MAML3: variants seen among roughly 807,000 people sequenced by gnomAD.
MAML3 encodes mastermind like transcriptional coactivator 3.
In MAML3, 27 loss-of-function variants were observed where a neutral mutation model predicts 101.9. The observed-to-expected ratio is 0.27, with a 90% CI of 0.20 to 0.37. The LOEUF (loss-of-function observed/expected upper bound fraction) is 0.37, where lower values mean the gene tolerates loss of function less well. Ranked by LOEUF, MAML3 falls within the 10% of genes least tolerant of loss-of-function variation. The pLI is 1.00. For synonymous variants in MAML3, 501 were observed against 555.9 expected (o/e 0.90, Z 1.39); for missense variants, 1,316 against 1,444.9 (o/e 0.91, Z 1.45).
intron 1 of MAML3, among the ~76,000 whole-genome samples, chr4:139,897,640 C>T (rs912550731): frequency 6.6e-6 from 1 of 152,192 alleles, no homozygotes; most frequent in African/African-American, 2.4e-5. Context: ...TCTGTAGCAG[C>T]TCCTGACCAG....
intron 1 of MAML3, among the ~76,000 whole-genome samples, chr4:139,935,186 A>C (rs1420570081): frequency 6.7e-6 from 1 of 149,902 alleles, no homozygotes; most frequent in Non-Finnish European, 1.5e-5. Context: ...AGGCAGATGC[A>C]GTTACATGGC....
intron 1 of MAML3, among the ~76,000 whole-genome samples, chr4:139,986,086 A>C (rs1734533256): frequency 6.6e-6 from 1 of 152,254 alleles, no homozygotes; most frequent in African/African-American, 2.4e-5. Context: ...GATAAGCAGA[A>C]GAGCAGACCA....
Position 139,719,232 on chromosome 4 carries a change from AAAC to A in MAML3, c.*88_*90del, listed in dbSNP as rs1324061673. The A allele has an allele frequency of 1.4e-6, 2 of 1,452,932 alleles. No individual in the cohort carries two copies. The highest frequency in any genetic ancestry group is 2.7e-5 in the Admixed American group (1 of 36,572). The allele number at this position is 1,452,932 out of a possible 1,614,324, so 90.0% of individuals were successfully genotyped here. On this transcript the variant is annotated 3_prime_UTR_variant, in exon 5 of 5. Transcript: ENST00000509479. ...TTTGCTCAGTTTACGTGGGTCAAAAAAACAAAAAACAAGGATGGGTCAACATCC... is the reference window on the plus strand; with the variant it reads ...TTTGCTCAGTTTACGTGGGTCAAAAAAAAAAACAAGGATGGGTCAACATCC...
chr4:140,011,607 G>C (rs920433348), intron 1 of MAML3, among the ~76,000 whole-genome samples: 2 of 151,126 alleles, frequency 1.3e-5, no homozygotes, highest in African/African-American at 4.9e-5. Context: ...GCCTCCCAAA[G>C]TGCTGGGATT....
intron 2 of MAML3, among the ~76,000 whole-genome samples, chr4:139,868,743 T>G (rs1420945137): frequency 6.6e-6 from 1 of 152,202 alleles, no homozygotes; most frequent in Non-Finnish European, 1.5e-5. Flanking sequence ...TGTGGCATTT[T>G]GTCTTTATAA....
intron 2 of MAML3, among the ~76,000 whole-genome samples, chr4:139,834,696 A>G (rs537031213): frequency 1.3e-4 from 20 of 152,350 alleles, no homozygotes; most frequent in Admixed American, 7.8e-4. Context: ...AGGTTGGAAT[A>G]TAGCACAGTT....
intron 1 of MAML3, among the ~76,000 whole-genome samples, chr4:140,056,677 G>A (rs1404236560): frequency 6.6e-6 from 1 of 151,880 alleles, no homozygotes; most frequent in Non-Finnish European, 1.5e-5. Context: ...AGGGGTGGTG[G>A]TGGGCGCCTG....
chr4:139,971,327 A>G (rs953729143), intron 1 of MAML3, among the ~76,000 whole-genome samples: 2 of 152,056 alleles, frequency 1.3e-5, no homozygotes, highest in Non-Finnish European at 2.9e-5. Context: ...TGTCCAAAGG[A>G]CTCTCTTTAT....
chr4:139,783,327 G>A (rs577013110), intron 2 of MAML3, among the ~76,000 whole-genome samples: 2 of 152,270 alleles, frequency 1.3e-5, no homozygotes, highest in East Asian at 1.9e-4. Context: ...TCCTGCTCCT[G>A]GAGTCAGGTC....
At position 139,719,418 on chromosome 4, in the gene MAML3, G is replaced by A; in HGVS notation, c.3322C>T (p.Leu1108Phe). 6.2e-7 allele frequency: 1 copy of A among 1,614,044 alleles called. No homozygotes were observed. Among genetic ancestry groups the A allele is most frequent in the Non-Finnish European group, 8.5e-7 (1 of 1,179,908 alleles). Residue 1108 changes from leucine (L) to phenylalanine (F), a missense_variant, in exon 5 of 5, where the codon CTC becomes TTC. By Grantham distance (22) the Leu-to-Phe change is conservative. Coordinates refer to ENST00000509479, the MANE Select transcript of MAML3 (RefSeq NM_018717.5). Reference sequence around the variant, plus strand: ...TCCACAAGGTCTGCACCGTCCGGGAGGCCAGGGAAGGAACCCCCAGCTCCG... The same window carrying A: ...TCCACAAGGTCTGCACCGTCCGGGAAGCCAGGGAAGGAACCCCCAGCTCCG... The part of the protein sequence containing the change: ...GDGAGGSFPG[L>F]PDGADLVDSI...
At chr4:139,880,189 AAAC>A (rs955981838) in intron 2 of MAML3, among the ~76,000 whole-genome samples, 2 of 137,870 alleles carry the variant, frequency 1.5e-5, no homozygotes, top group Non-Finnish European at 3.2e-5. Flanking sequence ...GAAAAAAAAA[AAAC>A]AAACAAAAAA....
Position 139,896,780 on chromosome 4 carries a change from A to G in MAML3, c.469-5813T>C, listed in dbSNP as rs895647116. ...AGCTGTGCCTTTGGAATTACAAAGA[A>G]CTTTCACACAGAATCATATTTTATC... On this transcript the variant is annotated intron_variant, in intron 1 of 4. Coordinates refer to ENST00000509479, the MANE Select transcript of MAML3 (RefSeq NM_018717.5). 7.9e-5 allele frequency among the ~76,000 whole-genome samples: 12 copies of G among 152,160 alleles called. No individual in the cohort carries two copies. In the South Asian group the frequency reaches 8.3e-4, roughly 11 times the overall value.
At chr4:139,950,318 GC>G in intron 1 of MAML3, among the ~76,000 whole-genome samples, 1 of 152,278 alleles carries the variant, frequency 6.6e-6, no homozygotes, top group South Asian at 2.1e-4. Flanking sequence ...GGGATTACAG[GC>G]ATGAGCCACC....
At chr4:140,062,597 C>A (rs1727465298) in intron 1 of MAML3, among the ~76,000 whole-genome samples, 1 of 152,198 alleles carries the variant, frequency 6.6e-6, no homozygotes, top group African/African-American at 2.4e-5. Context: ...TATTTCTGCC[C>A]ACCAGGTAGC....
At chr4:139,863,159 A>G (rs1731818916) in intron 2 of MAML3, among the ~76,000 whole-genome samples, 1 of 151,560 alleles carries the variant, frequency 6.6e-6, no homozygotes, top group Non-Finnish European at 1.5e-5. Flanking sequence ...CCAAAAAAAA[A>G]AAAAAAAAAA....
In MAML3 at chr4:139,898,334, C is replaced by T. The variant is rs560890637; in HGVS notation, c.469-7367G>A. ...TAATATTTTTGAGGACTCTAAGGGT[C>T]CAGGGAATCCCTGATGAGAACCACT... is the stretch of plus-strand genomic sequence containing the variant. On this transcript the variant is annotated intron_variant, in intron 1 of 4. Coordinates refer to ENST00000509479, the MANE Select transcript of MAML3 (RefSeq NM_018717.5). Among the ~76,000 whole-genome samples the T allele has an allele frequency of 6.6e-5, 10 of 152,290 alleles. No homozygotes were observed. In the South Asian group the frequency reaches 1.7e-3, roughly 25 times the overall value.
chr4:139,723,232 T>C (rs1005097880), intron 4 of MAML3, among the ~76,000 whole-genome samples: 12 of 152,254 alleles, frequency 7.9e-5, no homozygotes, highest in Admixed American at 7.2e-4. Flanking sequence ...GGTGTCTATT[T>C]ATATAGAAAC....
intron 2 of MAML3, among the ~76,000 whole-genome samples, chr4:139,757,510 C>T (rs1482535355): frequency 1.3e-5 from 2 of 151,948 alleles, no homozygotes; most frequent in East Asian, 1.9e-4. Flanking sequence ...ATTAGCTGGG[C>T]GAGGTGGCGT....
chr4:139,919,077 T>C (rs1733077975), intron 1 of MAML3, among the ~76,000 whole-genome samples: 1 of 152,188 alleles, frequency 6.6e-6, no homozygotes, highest in Non-Finnish European at 1.5e-5. Flanking sequence ...AAATCTAGGA[T>C]AGTGTGTCTT....
Sources: gnomAD v4.1 joint callset for allele counts (sites outside exome capture counted in the v4.1 genomes callset) on GRCh38, gnomAD v4.1.1 for gene constraint, MANE v1.5 for transcripts, NCBI Gene and HGNC (gene_info 2026-07-23, HGNC 2026-07-21) for gene names.